The following LTBP2 variants were observed in gnomAD, a reference collection of about 807,000 sequenced individuals.
LTBP2 encodes latent transforming growth factor beta binding protein 2.
LTBP2 carries 103 observed loss-of-function variants against 210.6 expected under a neutral mutation model. The ratio of observed to expected loss-of-function variants is 0.49; its 90% confidence interval spans 0.42 to 0.58. The LOEUF (loss-of-function observed/expected upper bound fraction) is 0.58, where lower values mean the gene tolerates loss of function less well. Ranked by LOEUF, LTBP2 falls within the 20% of genes least tolerant of loss-of-function variation. LTBP2 has a pLI of 0.00. For synonymous variants in LTBP2, 1,007 were observed against 1,015.0 expected, an observed-to-expected ratio of 0.99 and a Z score of 0.15; for missense variants, 2,313 against 2,494.5, an observed-to-expected ratio of 0.93 and a Z score of 1.55.
At chr14:74,511,084 C>A (rs749148324) in intron 19 of LTBP2, among the ~76,000 whole-genome samples, 161 bp downstream of exon 19, 1 of 152,210 alleles carries the variant, frequency 6.6e-6, no homozygotes, top group Non-Finnish European at 1.5e-5. Context: ...AGAGCCCTGG[C>A]GACTCATGCC....
In LTBP2 at chr14:74,586,825, C is replaced by T. The variant is rs1009513268; in HGVS notation, c.566-707G>A. Reference sequence around the variant, plus strand: ...CTCTCGACTGCGGCCAGAGAAAGCACGGTGGCCAGAATATAGCTGCCGGCA... The same window carrying T: ...CTCTCGACTGCGGCCAGAGAAAGCATGGTGGCCAGAATATAGCTGCCGGCA... On this transcript the variant is annotated intron_variant, in intron 2 of 35. Coordinates refer to ENST00000261978, the MANE Select transcript of LTBP2 (RefSeq NM_000428.3). This position sits in a 1 kb window ranked among gnomAD's most constrained non-coding sequence, Gnocchi z 4.6. 6.6e-6 allele frequency among the ~76,000 whole-genome samples: 1 copy of T among 152,172 alleles called. No homozygotes were observed. Among genetic ancestry groups the T allele is most frequent in the Non-Finnish European group, 1.5e-5 (1 of 68,018 alleles).
At chr14:74,587,107 G>A (rs372168092) in intron 2 of LTBP2, among the ~76,000 whole-genome samples, 1 of 152,122 alleles carries the variant, frequency 6.6e-6, no homozygotes, top group Admixed American at 6.5e-5. Context: ...AACATTCCAC[G>A]CAGAGGCACA....
intron 3 of LTBP2, among the ~76,000 whole-genome samples, chr14:74,577,729 ACTCCTGACCTCCAGTGATCCGCCTGT>A (rs376130125): frequency 5.5e-4 from 83 of 151,104 alleles, no homozygotes; most frequent in African/African-American, 1.9e-3. Flanking sequence ...CTGGTCTTGC[ACTCCTGACCTCCAGTGATCCGCCTGT>A]CTCAGCCTCC....
At chr14:74,579,784 G>C (rs1231444486) in intron 3 of LTBP2, among the ~76,000 whole-genome samples, 1 of 152,208 alleles carries the variant, frequency 6.6e-6, no homozygotes, top group African/African-American at 2.4e-5. Context: ...GTAAGGACAG[G>C]CTACCTCCCC....
At chr14:74,528,389 C>T in intron 12 of LTBP2, 94 bp downstream of exon 12, 1 of 1,401,870 alleles carries the variant, frequency 7.1e-7, no homozygotes, top group Non-Finnish European at 1.0e-6. Flanking sequence ...AGATGGGATG[C>T]CCAGGGACCC....
Position 74,507,174 on chromosome 14 carries a change from C to T in LTBP2, c.3907+5G>A, listed in dbSNP as rs778817928. ...CTCTCCTCTCTCTCCTCCCTCCCTACTCACCAATGCAGTCTCCGTTCGGGG... is the reference window on the plus strand; with the variant it reads ...CTCTCCTCTCTCTCCTCCCTCCCTATTCACCAATGCAGTCTCCGTTCGGGG... On this transcript the variant is annotated splice_donor_5th_base_variant and intron_variant, in intron 26 of 35. Coordinates refer to ENST00000261978, the MANE Select transcript of LTBP2 (RefSeq NM_000428.3). 7 of 1,614,046 alleles carry T rather than the reference C, an allele frequency of 4.3e-6. No individual in the cohort carries two copies. Among genetic ancestry groups the T allele is most frequent in the Middle Eastern group, 1.6e-4 (1 of 6,084 alleles).
intron 31 of LTBP2, 54 bp from the exon 32 acceptor site, chr14:74,503,660 C>A: frequency 6.2e-6 from 10 of 1,606,216 alleles, no homozygotes; most frequent in Non-Finnish European, 7.6e-6. Context: ...CCACCAACCA[C>A]CCTCAGGGAA....
chr14:74,544,874 T>C lies in LTBP2; in HGVS notation c.1789+4989A>G, dbSNP rs188412135. Among the ~76,000 whole-genome samples the C allele has an allele frequency of 5.3e-5, 8 of 152,224 alleles. No individual in the cohort carries two copies. The East Asian group carries it at 1.5e-3, about 29-fold the overall frequency. On this transcript the variant is annotated intron_variant, in intron 8 of 35. Transcript: ENST00000261978. ...TTAATAAGTTGTCCCTTGTGATCAG[T>C]TTCAAGTCGAGCTCTGGTTACCAGA...
intron 3 of LTBP2, among the ~76,000 whole-genome samples, chr14:74,557,489 T>C (rs570510404): frequency 2.6e-4 from 40 of 152,344 alleles, no homozygotes; most frequent in Non-Finnish European, 4.7e-4. Context: ...GGTACTTCAA[T>C]GTTCTTTTCA....
chr14:74,525,034 C>T (rs542614956), intron 15 of LTBP2, 90 bp downstream of exon 15: 3 of 652,146 alleles, frequency 4.6e-6, no homozygotes, highest in Non-Finnish European at 7.2e-6. Flanking sequence ...AGGGGGCATT[C>T]CATTCATGCC....
chr14:74,501,225 A>T (rs1281644724), intron 35 of LTBP2, among the ~76,000 whole-genome samples, 196 bp from the exon 36 acceptor site: 1 of 152,184 alleles, frequency 6.6e-6, no homozygotes, highest in Non-Finnish European at 1.5e-5. Flanking sequence ...CATGCCCAAG[A>T]CCGTGCTCTC....
intron 3 of LTBP2, among the ~76,000 whole-genome samples, chr14:74,558,175 G>C (rs1212952059): frequency 6.6e-6 from 1 of 152,172 alleles, no homozygotes; most frequent in Non-Finnish European, 1.5e-5. Flanking sequence ...TGAGACAGGA[G>C]GATCACCTAA....
chr14:74,564,466 C>T (rs1233774454), intron 3 of LTBP2, among the ~76,000 whole-genome samples: 2 of 140,730 alleles, frequency 1.4e-5, no homozygotes, highest in East Asian at 4.0e-4. Context: ...GCAGTCTCGG[C>T]TCACTGCAAC....
At chr14:74,537,175 C>G (rs958100451) in intron 8 of LTBP2, among the ~76,000 whole-genome samples, 3 of 148,714 alleles carry the variant, frequency 2.0e-5, no homozygotes, top group Non-Finnish European at 4.4e-5. Context: ...AAAAAAAAAC[C>G]AAAGAGTTGA....
rs73296231 is a variant in LTBP2 at position 74,510,932 on chromosome 14, C to T, written c.3028+313G>A. Among the ~76,000 whole-genome samples the T allele has an allele frequency of 0.028, 4,199 of 152,302 alleles. 183 individuals are homozygous for T. Among genetic ancestry groups the T allele is most frequent in the African/African-American group, 0.097 (4,027 of 41,540 alleles). ...TTCCTCCCTGGGAACTGCAGAAGGG[C>T]CTGGCCCCATCCTAAGACCCTTAGG... is the stretch of plus-strand genomic sequence containing the variant. On this transcript the variant is annotated intron_variant, in intron 19 of 35. Transcript: ENST00000261978.
At chr14:74,571,366 T>C (rs1482746524) in intron 3 of LTBP2, among the ~76,000 whole-genome samples, 1 of 152,178 alleles carries the variant, frequency 6.6e-6, no homozygotes, top group Non-Finnish European at 1.5e-5. Context: ...GTGTCATTTA[T>C]AGAGGACCAA....
chr14:74,540,830 AATATATATT>A (rs2087490013), intron 8 of LTBP2, among the ~76,000 whole-genome samples: 12 of 68,610 alleles, frequency 1.7e-4, no homozygotes, highest in African/African-American at 3.0e-4. Context: ...ATTTTTATAT[AATATATATT>A]TATATATATT....
chr14:74,516,707 C>A, intron 18 of LTBP2, 115 bp downstream of exon 18: 1 of 1,383,408 alleles, frequency 7.2e-7, no homozygotes, highest in Non-Finnish European at 1.0e-6. Flanking sequence ...GTGGGCTCAG[C>A]ATCAAGGGGC....
intron 1 of LTBP2, among the ~76,000 whole-genome samples, chr14:74,605,676 G>C (rs2088515750): frequency 6.6e-6 from 1 of 152,194 alleles, no homozygotes; most frequent in Non-Finnish European, 1.5e-5. Context: ...GCAGGAGCCT[G>C]CCTGGCTGGG....
Sources: allele counts gnomAD v4.1 joint callset (sites outside exome capture counted in the v4.1 genomes callset), GRCh38; gene constraint gnomAD v4.1.1; non-coding constraint Gnocchi (gnomAD v3.1); transcripts MANE v1.5; gene names NCBI Gene and HGNC (gene_info 2026-07-23, HGNC 2026-07-21).